TRAF3IP3: variants seen among roughly 807,000 people sequenced by gnomAD.
TRAF3IP3 encodes the protein TRAF3 interacting protein 3, also known as TRAF3-interacting JNK-activating modulator.
TRAF3IP3 carries 64 observed loss-of-function variants against 86.5 expected under a neutral mutation model. That is an observed-to-expected ratio of 0.74 (90% CI 0.60 to 0.91). The LOEUF (loss-of-function observed/expected upper bound fraction) is 0.91, where lower values mean the gene tolerates loss of function less well. Ranked by LOEUF, TRAF3IP3 falls within the 40% of genes least tolerant of loss-of-function variation. The pLI is 0.00. For synonymous variants in TRAF3IP3, 220 were observed against 243.9 expected (o/e 0.90, Z 0.91); for missense variants, 579 against 642.9 (o/e 0.90, Z 1.07).
rs568984049 is a variant in TRAF3IP3, at chr1:209,779,347, G to A, written c.1285G>A (p.Glu429Lys). Residue 429 changes from glutamate to lysine, a missense_variant, in exon 14 of 17, where the codon GAA (glutamate) becomes AAA (lysine). Glu to Lys is a moderately conservative substitution (Grantham distance 56). Coordinates refer to ENST00000367025, the MANE Select transcript of TRAF3IP3 (RefSeq NM_025228.4). The stretch of plus-strand genomic sequence containing the variant: ...TCAAAATCAATCCTTACAGCTTCAA[G>A]AACAGGAGAAACTCTTAACAAAGAA... ...LLQNQSLQLQ[E>K]QEKLLTKKDQ... 6.2e-7 allele frequency: 1 copy of A among 1,614,136 alleles called. No individual in the cohort carries two copies. Among genetic ancestry groups the A allele is most frequent in the Admixed American group, 1.7e-5 (1 of 60,016 alleles).
rs111565028 is a variant in TRAF3IP3, at chr1:209,772,489, T to C, written c.703-459T>C. On this transcript the variant is annotated intron_variant, in intron 8 of 16. Transcript: ENST00000367025. ...TGTTGAGGAGATATAAATGAGCTCA[T>C]AACCGAGGGCAAGGGAGGGAATAAA... Among the ~76,000 whole-genome samples the C allele has an allele frequency of 7.9e-5, 12 of 152,224 alleles. No homozygotes were observed. The South Asian group carries it at 2.3e-3, about 29-fold the overall frequency.
At chr1:209,780,718 G>T (rs955018340) in intron 15 of TRAF3IP3, 112 bp downstream of exon 15, 6 of 1,024,430 alleles carry the variant, frequency 5.9e-6, no homozygotes, top group Admixed American at 3.7e-5. Flanking sequence ...GATAACCACA[G>T]ACATTCATTT....
intron 9 of TRAF3IP3, among the ~76,000 whole-genome samples, chr1:209,774,624 G>A (rs1291230250): frequency 6.6e-6 from 1 of 152,204 alleles, no homozygotes; most frequent in Admixed American, 6.5e-5. Flanking sequence ...TCTCAGCTTA[G>A]GTGGAAGTAG....
chr1:209,767,534 A>T (rs1221676822), intron 8 of TRAF3IP3, among the ~76,000 whole-genome samples: 1 of 152,130 alleles, frequency 6.6e-6, no homozygotes, highest in African/African-American at 2.4e-5. Flanking sequence ...TATTAAAAAT[A>T]AAAAAATTAG....
chr1:209,763,892 C>T, intron 8 of TRAF3IP3, among the ~76,000 whole-genome samples: 1 of 152,174 alleles, frequency 6.6e-6, no homozygotes, highest in South Asian at 2.1e-4. Flanking sequence ...ATATAGTTTA[C>T]ATTACTAAAT....
At chr1:209,780,446 C>A in intron 14 of TRAF3IP3, 24 bp from the exon 15 acceptor site, 1 of 1,535,792 alleles carries the variant, frequency 6.5e-7, no homozygotes, top group African/African-American at 1.4e-5. Context: ...CTCACTGTCA[C>A]CAAGAATCTG....
chr1:209,762,390 C>A, intron 3 of TRAF3IP3, 125 bp from the exon 4 acceptor site: 4 of 936,100 alleles, frequency 4.3e-6, no homozygotes, highest in Non-Finnish European at 5.8e-6. Flanking sequence ...CAGATTTGGG[C>A]GGGGGGACAA....
At chr1:209,767,333 C>T (rs1391622248) in intron 8 of TRAF3IP3, among the ~76,000 whole-genome samples, 1 of 152,136 alleles carries the variant, frequency 6.6e-6, no homozygotes. Context: ...TCTGGCTCAT[C>T]CTTAGAAGGT....
In TRAF3IP3 at chr1:209,781,374, C is replaced by A. The variant is rs1222622368; in HGVS notation, c.1479C>A (p.Asn493Lys). 4 of 1,613,274 alleles carry A rather than the reference C, an allele frequency of 2.5e-6. No homozygotes were observed. Among genetic ancestry groups the A allele is most frequent in the East Asian group, 4.5e-5 (2 of 44,878 alleles). ...GAGAACTGCATTCAGAATTAGACAA[C>A]CTCAGTGACGAGTATCTCTCCTGCC... ...ECRELHSELD[N>K]LSDEYLSCLR... The change falls in exon 16 of 17, where the codon AAC becomes AAA. Residue 493 changes from asparagine (N) to lysine (K), a missense_variant. Coordinates refer to ENST00000367025, the MANE Select transcript of TRAF3IP3 (RefSeq NM_025228.4).
chr1:209,762,365 T>C lies in TRAF3IP3; in HGVS notation c.346-150T>C, dbSNP rs78995984. ...CTCCTAATACTATCACATTGGGAGA[T>C]AGGATTTCAACACACAGATTTGGGC... On this transcript the variant is annotated intron_variant, in intron 3 of 16. Coordinates refer to ENST00000367025, the MANE Select transcript of TRAF3IP3 (RefSeq NM_025228.4). 1.9e-3 allele frequency: 1,329 copies of C among 704,564 alleles called. 18 individuals are homozygous for C. The African/African-American group carries it at 0.023, about 12-fold the overall frequency. 43.6% of individuals were successfully genotyped at this position (704,564 alleles called of 1,614,324 possible).
chr1:209,763,338 G>A (rs765176027), intron 6 of TRAF3IP3, 25 bp from the exon 7 acceptor site: 1 of 1,612,162 alleles, frequency 6.2e-7, no homozygotes, highest in South Asian at 1.1e-5. Flanking sequence ...CAGACATTTT[G>A]AATACCCTTG....
At chr1:209,771,057 T>TGTGGAGGTGTGTGTGCAG (rs1216627763) in intron 8 of TRAF3IP3, among the ~76,000 whole-genome samples, 2 of 107,306 alleles carry the variant, frequency 1.9e-5, no homozygotes, top group Non-Finnish European at 3.4e-5. Flanking sequence ...TGCGTGTGCA[T>TGTGGAGGTGTGTGTGCAG]GTGGAGGTGT....
intron 11 of TRAF3IP3, 40 bp from the exon 12 acceptor site, chr1:209,777,312 A>C: frequency 1.3e-6 from 2 of 1,581,864 alleles, no homozygotes; most frequent in Non-Finnish European, 1.7e-6. Flanking sequence ...CCACCCCAAC[A>C]CTGACCTCCT....
intron 8 of TRAF3IP3, chr1:209,768,636 G>A: frequency 1.0e-6 from 1 of 985,816 alleles, no homozygotes; most frequent in Non-Finnish European, 1.2e-6. Context: ...AGAAGCAGGA[G>A]CTGAAGACCT....
chr1:209,770,859 AAGTG>A (rs1197006425), intron 8 of TRAF3IP3, among the ~76,000 whole-genome samples: 3 of 105,178 alleles, frequency 2.9e-5, no homozygotes, highest in African/African-American at 1.1e-4. Context: ...GTGCATGTGA[AAGTG>A]TGTGTGTGCC....
In TRAF3IP3 at chr1:209,775,643, C is replaced by A; in HGVS notation, c.960C>A (p.Ser320Arg). 6.2e-7 allele frequency: 1 copy of A among 1,614,136 alleles called. No homozygotes were observed. Among genetic ancestry groups the A allele is most frequent in the Non-Finnish European group, 8.5e-7 (1 of 1,180,026 alleles). ...AGCAGAAGTGTGAAGAGTGGAGGAG[C>A]CAGTATGAGGCTCTGAAGGAGGACT... ...LAEQKCEEWR[S>R]QYEALKEDWR... The change falls in exon 11 of 17, where the codon AGC (serine) becomes AGA (arginine). Residue 320 changes from serine (S) to arginine (R), a missense_variant. Transcript: ENST00000367025.
At chr1:209,779,579 C>A in intron 14 of TRAF3IP3, 1 of 686,892 alleles carries the variant, frequency 1.5e-6, no homozygotes, top group East Asian at 2.7e-5. Flanking sequence ...GGTATATAAA[C>A]TGTGAAAAAG....
intron 9 of TRAF3IP3, among the ~76,000 whole-genome samples, chr1:209,773,275 T>G (rs1367827333): frequency 6.6e-6 from 1 of 152,194 alleles, no homozygotes; most frequent in African/African-American, 2.4e-5. Context: ...CTAACCAGTT[T>G]GTCAGCTCCA....
chr1:209,775,158 T>C (rs2077625857), intron 9 of TRAF3IP3, 191 bp from the exon 10 acceptor site: 2 of 609,054 alleles, frequency 3.3e-6, no homozygotes, highest in South Asian at 4.1e-5. Context: ...CACTGTTTAT[T>C]ATGCCCTCCA....
Sources: gnomAD v4.1 joint callset for allele counts (sites outside exome capture counted in the v4.1 genomes callset) on GRCh38, gnomAD v4.1.1 for gene constraint, MANE v1.5 for transcripts, NCBI Gene and HGNC (gene_info 2026-07-23, HGNC 2026-07-21) for gene names.